Variants in ADCY2 observed in about 807,000 individuals in gnomAD.
ADCY2 encodes the protein adenylate cyclase 2.
A neutral mutation model predicts 125.2 loss-of-function variants in ADCY2; 31 were observed. That is an observed-to-expected ratio of 0.25 (90% CI 0.19 to 0.33). The LOEUF (loss-of-function observed/expected upper bound fraction) is 0.33, where lower values mean the gene tolerates loss of function less well. Among genes scored for constraint, ADCY2 ranks in the 10% least tolerant of loss-of-function variants. The pLI is 1.00. For missense variants in ADCY2, 904 were observed against 1,418.2 expected, an observed-to-expected ratio of 0.64 and a Z score of 5.82; for synonymous variants, 512 against 548.4, an observed-to-expected ratio of 0.93 and a Z score of 0.93.
chr5:7,483,748 T>G (rs1742821775), intron 2 of ADCY2, among the ~76,000 whole-genome samples: 1 of 152,186 alleles, frequency 6.6e-6, no homozygotes, highest in Non-Finnish European at 1.5e-5. Flanking sequence ...ACACCATCTG[T>G]GCCTCCTCTC....
chr5:7,556,531 G>T (rs184701428), intron 3 of ADCY2, among the ~76,000 whole-genome samples: 1 of 152,096 alleles, frequency 6.6e-6, no homozygotes, highest in Admixed American at 6.5e-5. Flanking sequence ...TTTTTCATAC[G>T]GGAAGTTTCA....
intron 20 of ADCY2, among the ~76,000 whole-genome samples, chr5:7,791,129 G>T (rs1447197032): frequency 6.6e-6 from 1 of 152,046 alleles, no homozygotes; most frequent in Non-Finnish European, 1.5e-5. Context: ...GGCCACCTGG[G>T]GTGCTCCGTG....
chr5:7,538,160 T>C (rs959338290), intron 3 of ADCY2, among the ~76,000 whole-genome samples: 2 of 152,198 alleles, frequency 1.3e-5, no homozygotes, highest in Admixed American at 6.5e-5. Flanking sequence ...AGACATAATA[T>C]AAAATATTTT....
intron 1 of ADCY2, among the ~76,000 whole-genome samples, chr5:7,413,143 G>C (rs183616478): frequency 1.9e-4 from 29 of 152,278 alleles, no homozygotes; most frequent in African/African-American, 6.5e-4. Flanking sequence ...CCTGTGCTTC[G>C]TTGCTTGGTA....
At chr5:7,633,451 A>G (rs2126666073) in intron 4 of ADCY2, among the ~76,000 whole-genome samples, 1 of 152,148 alleles carries the variant, frequency 6.6e-6, no homozygotes, top group African/African-American at 2.4e-5. Flanking sequence ...AAAGAAAAAG[A>G]AAAAATATAG....
chr5:7,418,284 A>G (rs191164186), intron 2 of ADCY2, among the ~76,000 whole-genome samples: 12 of 152,256 alleles, frequency 7.9e-5, no homozygotes, highest in Admixed American at 7.8e-4. Flanking sequence ...GTGAGTGTAT[A>G]TGAGGCTCAG....
chr5:7,503,662 A>G (rs754038614), intron 2 of ADCY2, among the ~76,000 whole-genome samples: 3 of 152,186 alleles, frequency 2.0e-5, no homozygotes, highest in Non-Finnish European at 2.9e-5. Context: ...TTGCACAGTT[A>G]TGTCAGCTGT....
At chr5:7,560,456 A>G (rs906047376) in intron 3 of ADCY2, among the ~76,000 whole-genome samples, 1 of 152,242 alleles carries the variant, frequency 6.6e-6, no homozygotes, top group African/African-American at 2.4e-5. Flanking sequence ...TTCTAGTGCA[A>G]GGGAGAAAAT....
chr5:7,711,632 G>A (rs1208809075), intron 10 of ADCY2, among the ~76,000 whole-genome samples: 2 of 152,132 alleles, frequency 1.3e-5, no homozygotes, highest in Admixed American at 6.5e-5. Context: ...ATCCAGGAAT[G>A]GTTTCAGTCT....
intron 3 of ADCY2, among the ~76,000 whole-genome samples, chr5:7,618,427 A>G (rs1737838266): frequency 6.6e-6 from 1 of 152,186 alleles, no homozygotes; most frequent in South Asian, 2.1e-4. Context: ...TGTACCCACA[A>G]AACACATTTT....
At chr5:7,628,838 C>A (rs886742718) in intron 4 of ADCY2, among the ~76,000 whole-genome samples, 26 of 149,066 alleles carry the variant, frequency 1.7e-4, no homozygotes, top group Admixed American at 1.1e-3. Flanking sequence ...AAAAAAAAAA[C>A]CATCAGTAAG....
chr5:7,458,324 G>A (rs1037705662), intron 2 of ADCY2, among the ~76,000 whole-genome samples: 2 of 152,148 alleles, frequency 1.3e-5, no homozygotes, highest in Admixed American at 6.5e-5. Context: ...TTATTAATGA[G>A]AGTAATGAAC....
chr5:7,709,501 C>A lies in ADCY2; in HGVS notation c.1578+114C>A. The A allele has an allele frequency of 8.1e-7, 1 of 1,242,054 alleles. No homozygotes were observed. Among genetic ancestry groups the A allele is most frequent in the Non-Finnish European group, 1.1e-6 (1 of 921,876 alleles). 76.9% of individuals were successfully genotyped at this position (1,242,054 alleles called of 1,614,324 possible). The stretch of plus-strand genomic sequence containing the variant: ...TCCTTTCTGTAAGAAACAAACTTAT[C>A]ACCTTCTTCTTCTCAGAGAGGCCCT... On this transcript the variant is annotated intron_variant, in intron 10 of 24. Transcript: ENST00000338316. This position sits in a 1 kb window ranked among gnomAD's most constrained non-coding sequence, Gnocchi z 4.4.
intron 2 of ADCY2, among the ~76,000 whole-genome samples, chr5:7,418,648 T>TTTTTTTTTG (rs1740054797): frequency 1.4e-5 from 1 of 72,064 alleles, no homozygotes; most frequent in African/African-American, 7.0e-5. Flanking sequence ...CTACCTTCTG[T>TTTTTTTTTG]TTTTTTTTTT....
rs374187517 is a variant in ADCY2, at chr5:7,507,461, A to AAAAAT, written c.409-13277_409-13276insAAAAT. 1.3e-4 allele frequency among the ~76,000 whole-genome samples: 15 copies of AAAAAT among 114,112 alleles called. 1 individual carries two copies. Among genetic ancestry groups the AAAAAT allele is most frequent in the Non-Finnish European group, 2.4e-4 (13 of 53,582 alleles). 74.9% of individuals were successfully genotyped at this position (114,112 alleles called of 152,430 possible). On this transcript the variant is annotated intron_variant, in intron 2 of 24. Coordinates refer to ENST00000338316, the MANE Select transcript of ADCY2 (RefSeq NM_020546.3). The stretch of plus-strand genomic sequence containing the variant: ...GTCTCAAAAAAAAAAAAAAAAAAAA[A>AAAAAT]GGTAACAAAGCCACTTTTGTAAAAA...
chr5:7,555,927 T>A (rs917090366), intron 3 of ADCY2, among the ~76,000 whole-genome samples: 4 of 151,454 alleles, frequency 2.6e-5, no homozygotes, highest in African/African-American at 9.7e-5. Context: ...CAAATGAATA[T>A]AACAAAAACT....
At chr5:7,418,026 C>T (rs1423672097) in intron 2 of ADCY2, among the ~76,000 whole-genome samples, 3 of 151,964 alleles carry the variant, frequency 2.0e-5, no homozygotes, top group Admixed American at 2.0e-4. Context: ...GTTTTTTTGA[C>T]ACCATCTGCC....
chr5:7,516,754 G>T (rs1258708977), intron 2 of ADCY2, among the ~76,000 whole-genome samples: 2 of 152,146 alleles, frequency 1.3e-5, no homozygotes, highest in Non-Finnish European at 2.9e-5. Flanking sequence ...AAGGAGGAAG[G>T]GTACACACTC....
At position 7,766,726 on chromosome 5, in the gene ADCY2, G is replaced by A; in HGVS notation, c.2134G>A (p.Ala712Thr). Residue 712 changes from alanine to threonine, a missense_variant, in exon 17 of 25, where the codon GCC becomes ACC. Ala to Thr is a moderately conservative substitution (Grantham distance 58, BLOSUM62 0). Transcript: ENST00000338316. The part of the protein sequence containing the change: ...SDSEETIPPT[A>T]NTTNTSFSAS... ...CTCAGAGGAAACAATCCCTCCAACT[G>A]CCAACACAACAAACACAAGCTTTTC... 1 of 1,612,278 alleles carries A rather than the reference G, an allele frequency of 6.2e-7. No homozygotes were observed. The highest frequency in any genetic ancestry group is 8.5e-7 in the Non-Finnish European group (1 of 1,179,560).
Sources: allele counts gnomAD v4.1 joint callset (sites outside exome capture counted in the v4.1 genomes callset), GRCh38; gene constraint gnomAD v4.1.1; non-coding constraint Gnocchi (gnomAD v3.1); transcripts MANE v1.5; gene names NCBI Gene and HGNC (gene_info 2026-07-23, HGNC 2026-07-21).